Variants in CDH12 observed in about 807,000 individuals in gnomAD.
The protein encoded by CDH12 is cadherin-12.
Under a neutral mutation model 74.1 loss-of-function variants are expected in CDH12, and 41 were observed. The observed-to-expected ratio is 0.55, with a 90% CI of 0.43 to 0.72. CDH12 has a LOEUF of 0.72. Among genes scored for constraint, CDH12 ranks in the 30% least tolerant of loss-of-function variants. The pLI is 0.00. For missense variants in CDH12, 945 were observed against 977.2 expected, an observed-to-expected ratio of 0.97 and a Z score of 0.44; for synonymous variants, 399 against 355.0, an observed-to-expected ratio of 1.12 and a Z score of -1.39.
chr5:22,551,893 T>G lies in CDH12; in HGVS notation c.-522-46529A>C, dbSNP rs1425057535. On this transcript the variant is annotated intron_variant, in intron 1 of 14. Coordinates refer to ENST00000382254, the MANE Select transcript of CDH12 (RefSeq NM_004061.5). ...TTATTAGAATTATAGACATGATGGT[T>G]TTATTTTATTTCCTTTTATCTTACA... Among the ~76,000 whole-genome samples, 5 of 152,186 alleles carry G rather than the reference T, an allele frequency of 3.3e-5. No homozygotes were observed. The East Asian group carries it at 7.7e-4, about 23-fold the overall frequency.
intron 4 of CDH12, among the ~76,000 whole-genome samples, chr5:22,173,232 A>C (rs1294458607): frequency 6.8e-6 from 1 of 147,776 alleles, no homozygotes; most frequent in Non-Finnish European, 1.5e-5. Context: ...CATATATATG[A>C]TTTGTTATAT....
At chr5:22,527,977 A>AGG (rs1737365065) in intron 1 of CDH12, among the ~76,000 whole-genome samples, 4 of 152,098 alleles carry the variant, frequency 2.6e-5, no homozygotes, top group African/African-American at 9.7e-5. Flanking sequence ...CCACACTCTT[A>AGG]ATATCCATTT....
chr5:22,794,074 T>C (rs1337602079), intron 1 of CDH12, among the ~76,000 whole-genome samples: 1 of 152,150 alleles, frequency 6.6e-6, no homozygotes, highest in Admixed American at 6.6e-5. Flanking sequence ...CTTCTACCTC[T>C]CAAACCCCCC....
At chr5:21,917,129 T>C (rs1261810135) in intron 6 of CDH12, among the ~76,000 whole-genome samples, 4 of 152,192 alleles carry the variant, frequency 2.6e-5, no homozygotes, top group Non-Finnish European at 5.9e-5. Context: ...CTGAACTCTC[T>C]GAACTTCAAG....
chr5:21,849,165 T>C (rs1750334445), intron 7 of CDH12, among the ~76,000 whole-genome samples: 1 of 151,886 alleles, frequency 6.6e-6, no homozygotes, highest in South Asian at 2.1e-4. Flanking sequence ...ACTCACACTA[T>C]GTATTGATAG....
chr5:22,455,270 A>G (rs1014390980), intron 2 of CDH12, among the ~76,000 whole-genome samples: 8 of 152,200 alleles, frequency 5.3e-5, no homozygotes, highest in Non-Finnish European at 1.0e-4. Flanking sequence ...TGGTGGGGAA[A>G]AATTATTAAC....
chr5:22,382,802 A>C (rs1284113144), intron 3 of CDH12, among the ~76,000 whole-genome samples: 1 of 148,378 alleles, frequency 6.7e-6, no homozygotes, highest in Non-Finnish European at 1.5e-5. Context: ...TCGACCTTGG[A>C]CTAAATTTCA....
chr5:22,690,490 A>C (rs971428835), intron 1 of CDH12, among the ~76,000 whole-genome samples: 6 of 152,172 alleles, frequency 3.9e-5, no homozygotes, highest in Non-Finnish European at 8.8e-5. Context: ...TTATTCCCTG[A>C]CTCAATCTAA....
intron 8 of CDH12, among the ~76,000 whole-genome samples, chr5:21,827,389 T>TC (rs1357991157): frequency 7.2e-5 from 11 of 151,736 alleles, no homozygotes; most frequent in African/African-American, 9.7e-5. Context: ...CATGAAAACC[T>TC]TTAAAAAAAA....
chr5:21,802,095 G>C (rs1747141770), intron 10 of CDH12, 72 bp downstream of exon 10: 2 of 1,329,860 alleles, frequency 1.5e-6, no homozygotes, highest in Non-Finnish European at 2.1e-6. Flanking sequence ...ACAGAGAATT[G>C]GTTCTCTGGT....
chr5:22,005,933 C>T (rs1287236685), intron 5 of CDH12, among the ~76,000 whole-genome samples: 1 of 151,822 alleles, frequency 6.6e-6, no homozygotes, highest in Admixed American at 6.5e-5. Context: ...ACCTTTGCAG[C>T]TTATAGGTCA....
chr5:21,828,568 T>A (rs1017908341), intron 8 of CDH12, among the ~76,000 whole-genome samples: 1 of 152,232 alleles, frequency 6.6e-6, no homozygotes, highest in Non-Finnish European at 1.5e-5. Context: ...TTTGCTTTCT[T>A]TTAGACAAAA....
intron 3 of CDH12, among the ~76,000 whole-genome samples, chr5:22,350,847 T>C (rs1740328774): frequency 6.6e-6 from 1 of 152,152 alleles, no homozygotes; most frequent in East Asian, 1.9e-4. Flanking sequence ...TTTCTTTAGG[T>C]GTTATGTTTA....
intron 4 of CDH12, among the ~76,000 whole-genome samples, chr5:22,107,568 CA>C (rs1673999321): frequency 6.8e-6 from 1 of 147,522 alleles, no homozygotes; most frequent in Non-Finnish European, 1.5e-5. Flanking sequence ...TCTTCTATGT[CA>C]AAAGTCTCAT....
intron 3 of CDH12, among the ~76,000 whole-genome samples, chr5:22,403,295 C>A (rs1742807990): frequency 6.6e-6 from 1 of 152,146 alleles, no homozygotes; most frequent in African/African-American, 2.4e-5. Context: ...GGTGCAACAA[C>A]CCTTGAGAAG....
chr5:22,307,815 A>G (rs1738178558), intron 3 of CDH12, among the ~76,000 whole-genome samples: 1 of 146,466 alleles, frequency 6.8e-6, no homozygotes, highest in African/African-American at 2.5e-5. Context: ...TAACAGCTGT[A>G]CTTTGTAGTA....
intron 6 of CDH12, among the ~76,000 whole-genome samples, chr5:21,855,104 A>G (rs1242551387): frequency 6.6e-6 from 1 of 151,752 alleles, no homozygotes; most frequent in Non-Finnish European, 1.5e-5. Flanking sequence ...CACTTATATT[A>G]GCTCATCTGC....
At chr5:21,873,243 T>A (rs1412007005) in intron 6 of CDH12, among the ~76,000 whole-genome samples, 2 of 152,210 alleles carry the variant, frequency 1.3e-5, no homozygotes, top group Non-Finnish European at 2.9e-5. Flanking sequence ...CATTAGATGT[T>A]GAATTTCATG....
chr5:22,393,682 A>T (rs2126425756), intron 3 of CDH12, among the ~76,000 whole-genome samples: 1 of 152,306 alleles, frequency 6.6e-6, no homozygotes, highest in Middle Eastern at 3.4e-3. Context: ...GTTAATTCTG[A>T]TGTGCACTTA....
Sources: allele counts gnomAD v4.1 joint callset (sites outside exome capture counted in the v4.1 genomes callset), GRCh38; gene constraint gnomAD v4.1.1; transcripts MANE v1.5; gene names NCBI Gene and HGNC (gene_info 2026-07-23, HGNC 2026-07-21).